SDCCAG8: variants seen among roughly 807,000 people sequenced by gnomAD.
The protein encoded by SDCCAG8 is SHH signaling and ciliogenesis regulator SDCCAG8.
A neutral mutation model predicts 101.8 loss-of-function variants in SDCCAG8; 74 were observed. The ratio of observed to expected loss-of-function variants is 0.73; its 90% CI spans 0.60 to 0.88. The LOEUF is 0.88. SDCCAG8 is among the 40% of genes least tolerant of loss of function. The pLI is 0.00. For synonymous variants in SDCCAG8, 281 were observed against 292.9 expected, an observed-to-expected ratio of 0.96 and a Z score of 0.41; for missense variants, 787 against 822.6, an observed-to-expected ratio of 0.96 and a Z score of 0.53.
chr1:243,458,796 T>G lies in SDCCAG8; in HGVS notation c.1986-30218T>G, dbSNP rs1475505965. Among the ~76,000 whole-genome samples the G allele has an allele frequency of 6.6e-6, 1 of 152,264 alleles. No homozygotes were observed. Among genetic ancestry groups the G allele is most frequent in the Non-Finnish European group, 1.5e-5 (1 of 68,042 alleles). ...CAGTCAGATATGGCATTGTTTTATA[T>G]TCCCATTGTCAGTGATCTCTAAACG... On this transcript the variant is annotated intron_variant, in intron 16 of 17. Transcript: ENST00000366541. This position sits in a 1 kb window ranked among gnomAD's most constrained non-coding sequence, Gnocchi z 4.5.
intron 11 of SDCCAG8, 88 bp downstream of exon 11, chr1:243,341,261 A>C: frequency 6.8e-7 from 1 of 1,460,972 alleles, no homozygotes; most frequent in Non-Finnish European, 9.4e-7. Flanking sequence ...TCTTACTGTT[A>C]TCAGGAGGAA....
chr1:243,300,142 C>T (rs547956494), intron 6 of SDCCAG8, among the ~76,000 whole-genome samples: 3 of 152,056 alleles, frequency 2.0e-5, no homozygotes, highest in Non-Finnish European at 2.9e-5. Context: ...GGATTACAGG[C>T]GTGAGCCACT....
At position 243,470,640 on chromosome 1, in the gene SDCCAG8, G is replaced by A. The variant is rs114482093; in HGVS notation, c.1986-18374G>A. The stretch of plus-strand genomic sequence containing the variant: ...GCCCTGTGTCGGTGCCGACTCATTA[G>A]CATACAGCCGTGCTGTGCTTGCTAA... On this transcript the variant is annotated intron_variant, in intron 16 of 17. Coordinates refer to ENST00000366541, the MANE Select transcript of SDCCAG8 (RefSeq NM_006642.5). 3.7e-3 allele frequency among the ~76,000 whole-genome samples: 564 copies of A among 152,226 alleles called. 4 individuals are homozygous for A. Among genetic ancestry groups the A allele is most frequent in the African/African-American group, 0.013 (526 of 41,552 alleles).
chr1:243,462,872 A>C (rs1659408725), intron 16 of SDCCAG8, among the ~76,000 whole-genome samples: 2 of 152,174 alleles, frequency 1.3e-5, no homozygotes, highest in South Asian at 4.1e-4. Flanking sequence ...ACAAAACAAA[A>C]AAAAACCCTA....
chr1:243,497,246 C>T (rs1668162008), intron 17 of SDCCAG8, among the ~76,000 whole-genome samples: 2 of 148,320 alleles, frequency 1.3e-5, no homozygotes, highest in East Asian at 2.0e-4. Flanking sequence ...CAAATGGAGG[C>T]GACAAAACGG....
chr1:243,343,755 T>C (rs116819263), intron 11 of SDCCAG8, among the ~76,000 whole-genome samples: 2 of 152,202 alleles, frequency 1.3e-5, no homozygotes, highest in South Asian at 2.1e-4. Context: ...CAGACAAAAA[T>C]TCCTTTATAC....
chr1:243,409,528 A>G (rs1329925119), intron 13 of SDCCAG8, among the ~76,000 whole-genome samples: 1 of 152,176 alleles, frequency 6.6e-6, no homozygotes, highest in Non-Finnish European at 1.5e-5. Flanking sequence ...TCTAAATACC[A>G]TTCTCCATTA....
At chr1:243,441,348 C>G (rs1239098934) in intron 16 of SDCCAG8, among the ~76,000 whole-genome samples, 1 of 152,148 alleles carries the variant, frequency 6.6e-6, no homozygotes, top group East Asian at 1.9e-4. Context: ...TGTTTTCTAA[C>G]CAGCCCATGG....
intron 10 of SDCCAG8, among the ~76,000 whole-genome samples, chr1:243,335,492 A>G (rs1443786905): frequency 6.6e-6 from 1 of 152,144 alleles, no homozygotes; most frequent in Non-Finnish European, 1.5e-5. Context: ...CCTGATAAGA[A>G]AGGAAAAACG....
intron 16 of SDCCAG8, among the ~76,000 whole-genome samples, chr1:243,435,449 ATCCTTCAT>A (rs1553356554): frequency 2.0e-5 from 3 of 152,190 alleles, no homozygotes; most frequent in Non-Finnish European, 4.4e-5. Flanking sequence ...ATTCATTCAT[ATCCTTCAT>A]TCAACATATT....
chr1:243,311,326 A>G (rs776779480), intron 8 of SDCCAG8, among the ~76,000 whole-genome samples: 15 of 152,148 alleles, frequency 9.9e-5, no homozygotes, highest in South Asian at 2.1e-4. Flanking sequence ...TAAATCTAGT[A>G]TGAAACCTTT....
chr1:243,385,740 C>T (rs182460032), intron 13 of SDCCAG8, among the ~76,000 whole-genome samples: 57 of 152,152 alleles, frequency 3.7e-4, no homozygotes, highest in Non-Finnish European at 6.5e-4. Context: ...GAGGCCGAGG[C>T]GGGCGGATCA....
rs1022554259 is a variant in SDCCAG8 at position 243,341,044 on chromosome 1, G to T, written c.1227G>T (p.Leu409Phe). The T allele has an allele frequency of 6.2e-7, 1 of 1,613,438 alleles. No homozygotes were observed. The highest frequency in any genetic ancestry group is 8.5e-7 in the Non-Finnish European group (1 of 1,179,410). ...KEREYMGSKM[L>F]ILSQNIAQLE... ...ACTTTTATTTTCCCTTACAGATGTT[G>T]ATCTTGTCTCAGAATATTGCCCAAC... Residue 409 changes from leucine to phenylalanine, a missense_variant, in exon 11 of 18, where the codon TTG (leucine) becomes TTT (phenylalanine). Physicochemically the swap from Leu to Phe is conservative, Grantham distance 22. Coordinates refer to ENST00000366541, the MANE Select transcript of SDCCAG8 (RefSeq NM_006642.5).
At chr1:243,478,142 G>T (rs887256338) in intron 16 of SDCCAG8, among the ~76,000 whole-genome samples, 2 of 152,286 alleles carry the variant, frequency 1.3e-5, no homozygotes, top group African/African-American at 4.8e-5. Flanking sequence ...CTGCCCAGAA[G>T]GTTACCCAGC....
intron 15 of SDCCAG8, among the ~76,000 whole-genome samples, chr1:243,426,224 G>A (rs1046101657): frequency 6.6e-6 from 1 of 152,118 alleles, no homozygotes; most frequent in South Asian, 2.1e-4. Context: ...AGAGTAAGTT[G>A]TTATTCCTTT....
chr1:243,415,418 G>C (rs1169590952), intron 13 of SDCCAG8, among the ~76,000 whole-genome samples: 1 of 152,070 alleles, frequency 6.6e-6, no homozygotes, highest in East Asian at 1.9e-4. Context: ...GAATATTAGA[G>C]AAAAAAGTTT....
intron 12 of SDCCAG8, among the ~76,000 whole-genome samples, chr1:243,352,374 T>A (rs1490942272): frequency 6.6e-6 from 1 of 152,234 alleles, no homozygotes; most frequent in Non-Finnish European, 1.5e-5. Flanking sequence ...TGCTATATTT[T>A]CAGTTTCAGT....
chr1:243,301,090 T>A (rs2149309400), intron 6 of SDCCAG8, among the ~76,000 whole-genome samples: 1 of 152,304 alleles, frequency 6.6e-6, no homozygotes, highest in East Asian at 1.9e-4. Flanking sequence ...AAAACTTATG[T>A]ACACTATCAC....
chr1:243,307,321 T>A, intron 7 of SDCCAG8: 1 of 919,810 alleles, frequency 1.1e-6, no homozygotes, highest in Non-Finnish European at 1.3e-6. Context: ...CCTGTATGTT[T>A]CCAGCTAATA....
Sources: gnomAD v4.1 joint callset for allele counts (sites outside exome capture counted in the v4.1 genomes callset) on GRCh38, gnomAD v4.1.1 for gene constraint, Gnocchi (gnomAD v3.1) non-coding constraint, MANE v1.5 for transcripts, NCBI Gene and HGNC (gene_info 2026-07-23, HGNC 2026-07-21) for gene names.